The following PPP1R7 variants were observed in gnomAD, a reference collection of about 807,000 sequenced individuals.
PPP1R7 encodes protein phosphatase 1 regulatory subunit 7.
In PPP1R7, 18 loss-of-function variants were observed where a neutral mutation model predicts 45.2. The ratio of observed to expected loss-of-function variants is 0.40; its 90% confidence interval spans 0.28 to 0.59. The LOEUF (loss-of-function observed/expected upper bound fraction) is 0.59, where lower values mean the gene tolerates loss of function less well. Ranked by LOEUF, PPP1R7 falls within the 20% of genes least tolerant of loss-of-function variation. The pLI, the probability that PPP1R7 is intolerant of heterozygous loss-of-function variation, is 0.46. For missense variants in PPP1R7, 314 were observed against 455.8 expected, an observed-to-expected ratio of 0.69 and a Z score of 2.83; for synonymous variants, 181 against 183.4, an observed-to-expected ratio of 0.99 and a Z score of 0.11.
intron 2 of PPP1R7, chr2:241,154,927 T>G (rs2067418251): frequency 6.6e-6 from 1 of 152,242 alleles, no homozygotes; most frequent in Non-Finnish European, 1.5e-5. Flanking sequence ...CATTGTGCTC[T>G]CTGTGCCAGC....
At chr2:241,159,007 G>A (rs947740586) in intron 4 of PPP1R7, 24 of 587,564 alleles carry the variant, frequency 4.1e-5, no homozygotes, top group African/African-American at 7.4e-5. Flanking sequence ...TTGGGTTCCC[G>A]CCCTTCCTCA....
At position 241,177,273 on chromosome 2, in the gene PPP1R7, T is replaced by A. The variant is rs562200328; in HGVS notation, c.907-5374T>A. On this transcript the variant is annotated intron_variant, in intron 9 of 9. Transcript: ENST00000234038. The stretch of plus-strand genomic sequence containing the variant: ...CTCTACTAAAATACAAAAATTTAGC[T>A]GGATGTGGTGGCACGCGCCTGTAGT... 2.0e-5 allele frequency among the ~76,000 whole-genome samples: 3 copies of A among 151,884 alleles called. No homozygotes were observed. The East Asian group carries it at 5.8e-4, about 29-fold the overall frequency.
intron 9 of PPP1R7, among the ~76,000 whole-genome samples, chr2:241,170,374 T>A (rs993122980): frequency 6.6e-6 from 1 of 152,190 alleles, no homozygotes; most frequent in African/African-American, 2.4e-5. Flanking sequence ...ACAGGTATGG[T>A]TTCAGGAGTA....
At chr2:241,167,219 A>G (rs1559424081) in intron 8 of PPP1R7, 8 of 713,276 alleles carry the variant, frequency 1.1e-5, no homozygotes, top group Non-Finnish European at 1.8e-5. Context: ...AGCAAATACA[A>G]CCAGATTGGT....
At position 241,183,162 on chromosome 2, in the gene PPP1R7, TGA is replaced by T. The variant is rs1021129146; in HGVS notation, c.*343_*344del. 1 of 395,856 alleles carries T rather than the reference TGA, an allele frequency of 2.5e-6. No individual in the cohort carries two copies. The highest frequency in any genetic ancestry group is 4.9e-6 in the Non-Finnish European group (1 of 205,296). 24.5% of individuals were successfully genotyped at this position (395,856 alleles called of 1,614,324 possible). Reference sequence around the variant, plus strand: ...CCTGAGTCGTGTGAAACACAGGGCCTGAGAGTGCTTTACAGGCATTCACGTGC... The same window carrying T: ...CCTGAGTCGTGTGAAACACAGGGCCTGAGTGCTTTACAGGCATTCACGTGC... On this transcript the variant is annotated 3_prime_UTR_variant, in exon 10 of 10. Transcript: ENST00000234038.
At chr2:241,150,064 G>C, upstream of PPP1R7, 3 of 1,332,552 alleles carry the variant, frequency 2.3e-6, no homozygotes, top group Non-Finnish European at 2.9e-6. Flanking sequence ...GATGCACGTA[G>C]GACTGGCCCG....
At chr2:241,179,101 T>G (rs917206569) in intron 9 of PPP1R7, among the ~76,000 whole-genome samples, 5 of 152,144 alleles carry the variant, frequency 3.3e-5, no homozygotes, top group African/African-American at 4.8e-5. Flanking sequence ...AATGCAAGTT[T>G]GGGTTCCAAA....
rs2067511028 is a variant in PPP1R7, at chr2:241,158,464, A to G, written c.238-20A>G. On this transcript the variant is annotated intron_variant, in intron 3 of 9. Coordinates refer to ENST00000234038, the MANE Select transcript of PPP1R7 (RefSeq NM_002712.3). ...CAGCCACTTTGCTATAGCTGAGTATAGATTTCTGCTTTGTTTCAGGATGTT... is the reference window on the plus strand; with the variant it reads ...CAGCCACTTTGCTATAGCTGAGTATGGATTTCTGCTTTGTTTCAGGATGTT... 4 of 1,613,010 alleles carry G rather than the reference A, an allele frequency of 2.5e-6. No individual in the cohort carries two copies. Among genetic ancestry groups the G allele is most frequent in the Admixed American group, 3.3e-5 (2 of 60,014 alleles).
At chr2:241,151,045 T>C (rs1340021713) in intron 1 of PPP1R7, among the ~76,000 whole-genome samples, 1 of 152,230 alleles carries the variant, frequency 6.6e-6, no homozygotes, top group Non-Finnish European at 1.5e-5. Context: ...AGGTGATACC[T>C]GTTTTCAAAG....
At position 241,163,402 on chromosome 2, in the gene PPP1R7, G is replaced by A; in HGVS notation, c.714+1G>A. ...CAACCTGACAGTCCTCAGTATGCAGGTACGGAGCTTCCTGAGCCGCCCTTC... is the reference window on the plus strand; with the variant it reads ...CAACCTGACAGTCCTCAGTATGCAGATACGGAGCTTCCTGAGCCGCCCTTC... On this transcript the variant is annotated splice_donor_variant, in intron 7 of 9. Coordinates refer to ENST00000234038, the MANE Select transcript of PPP1R7 (RefSeq NM_002712.3). LOFTEE classifies it high-confidence loss of function. 1.2e-6 allele frequency: 2 copies of A among 1,601,924 alleles called. No homozygotes were observed. Among genetic ancestry groups the A allele is most frequent in the African/African-American group, 1.3e-5 (1 of 74,704 alleles).
chr2:241,170,945 G>A (rs1025293528), intron 9 of PPP1R7, among the ~76,000 whole-genome samples: 1 of 152,164 alleles, frequency 6.6e-6, no homozygotes, highest in Non-Finnish European at 1.5e-5. Flanking sequence ...GGTGTGGCTG[G>A]TGGTAGGCTG....
At chr2:241,178,458 C>CAT (rs554489365) in intron 9 of PPP1R7, among the ~76,000 whole-genome samples, 4 of 124,600 alleles carry the variant, frequency 3.2e-5, no homozygotes, top group Non-Finnish European at 5.0e-5. Context: ...TGGTCTTCAG[C>CAT]TTTTTTTTTT....
At chr2:241,180,391 A>AAAAT (rs1224327166) in intron 9 of PPP1R7, among the ~76,000 whole-genome samples, 1 of 76,126 alleles carries the variant, frequency 1.3e-5, no homozygotes, top group Non-Finnish European at 3.5e-5. Flanking sequence ...GGTGAGCTAA[A>AAAAT]AAAAAAAAAA....
rs541345912 is a variant in PPP1R7 at position 241,162,361 on chromosome 2, T to A, written c.598-924T>A. 1.2e-3 allele frequency among the ~76,000 whole-genome samples: 190 copies of A among 152,324 alleles called. 1 individual carries two copies. Among genetic ancestry groups the A allele is most frequent in the Non-Finnish European group, 2.2e-3 (151 of 68,026 alleles). On this transcript the variant is annotated intron_variant, in intron 6 of 9. Transcript: ENST00000234038. ...CTGAAATATTTAAAGAATGACTTGT[T>A]CTGAGAGAGAGTGAACTGACAGAGG...
intron 9 of PPP1R7, among the ~76,000 whole-genome samples, chr2:241,173,902 G>T (rs1238134500): frequency 7.0e-6 from 1 of 143,310 alleles, no homozygotes; most frequent in Admixed American, 7.3e-5. Context: ...AACTCTAAAA[G>T]AACATTTGGC....
At chr2:241,182,531 C>A in intron 9 of PPP1R7, 116 bp from the exon 10 acceptor site, 2 of 1,317,574 alleles carry the variant, frequency 1.5e-6, no homozygotes, top group Non-Finnish European at 2.1e-6. Flanking sequence ...CCAGGGAAGA[C>A]CCACACCTGC....
Position 241,160,462 on chromosome 2 carries a change from C to T in PPP1R7, c.565C>T (p.Gln189Ter). The T allele has an allele frequency of 6.2e-7, 1 of 1,610,954 alleles. No individual in the cohort carries two copies. Among genetic ancestry groups the T allele is most frequent in the Non-Finnish European group, 8.5e-7 (1 of 1,179,030 alleles). Residue 189 changes from glutamine (Q) to a stop codon, truncating the protein, a stop_gained, in exon 6 of 10, where the codon CAG becomes TAG. Coordinates refer to ENST00000234038, the MANE Select transcript of PPP1R7 (RefSeq NM_002712.3). LOFTEE classifies it high-confidence loss of function. ...IENLSNLHQL[Q>*]MLELGSNRIR... ...GAACTTAAGCAACTTACATCAACTA[C>T]AGATGCTAGAGCTGGGATCTAACCG...
chr2:241,166,407 A>G lies in PPP1R7; in HGVS notation c.785A>G (p.Asn262Ser). ...CTGCGGGAGCTGTACCTTAGCCACAATGGCATCGAGGTCATCGAGGGCCTG... is the reference window on the plus strand; with the variant it reads ...CTGCGGGAGCTGTACCTTAGCCACAGTGGCATCGAGGTCATCGAGGGCCTG... ...VNLRELYLSH[N>S]GIEVIEGLEN... is the part of the protein sequence containing the mutation. The change falls in exon 8 of 10, where the codon AAT (asparagine) becomes AGT (serine). Residue 262 changes from asparagine to serine, a missense_variant. Asn to Ser is a conservative substitution (Grantham distance 46). This residue lies in a region of PPP1R7 where 168 missense variants were observed against 285.3 expected (regional missense o/e 0.59). Coordinates refer to ENST00000234038, the MANE Select transcript of PPP1R7 (RefSeq NM_002712.3). The G allele has an allele frequency of 6.2e-7, 1 of 1,613,822 alleles. No individual in the cohort carries two copies. The highest frequency in any genetic ancestry group is 8.5e-7 in the Non-Finnish European group (1 of 1,179,826).
At chr2:241,180,021 A>G (rs1282292372) in intron 9 of PPP1R7, among the ~76,000 whole-genome samples, 1 of 152,230 alleles carries the variant, frequency 6.6e-6, no homozygotes, top group Non-Finnish European at 1.5e-5. Context: ...ACTAATAATG[A>G]CATTGGAAAA....
Sources: allele counts gnomAD v4.1 joint callset (sites outside exome capture counted in the v4.1 genomes callset), GRCh38; gene constraint gnomAD v4.1.1; regional missense constraint gnomAD v4.1.1; transcripts MANE v1.5; gene names NCBI Gene and HGNC (gene_info 2026-07-23, HGNC 2026-07-21).